Variants in CYTH1 observed in about 807,000 individuals in gnomAD.
CYTH1 encodes the protein cytohesin 1, also known as cytohesin-1.
In CYTH1, 18 loss-of-function variants were observed where a neutral mutation model predicts 61.8. That is an observed-to-expected ratio of 0.29 (90% confidence interval 0.20 to 0.43). The LOEUF is 0.43. CYTH1 is among the 20% of genes least tolerant of loss of function. The probability of loss-of-function intolerance (pLI) is 1.00; values close to 1 mark genes in which losing one functional copy is unlikely to be tolerated. For missense variants in CYTH1, 336 were observed against 510.5 expected, an observed-to-expected ratio of 0.66 and a Z score of 3.29; for synonymous variants, 174 against 184.3, an observed-to-expected ratio of 0.94 and a Z score of 0.45.
rs559489911 is a variant in CYTH1, at chr17:78,726,715, G to A, written c.23-16983C>T. Among the ~76,000 whole-genome samples the A allele has an allele frequency of 6.6e-5, 10 of 152,176 alleles. No homozygotes were observed. The South Asian group carries it at 1.5e-3, about 22-fold the overall frequency. ...CTGTGGTGCCTTTGAATTTGACACC[G>A]AGACAGGTGGATTCTATTCTGCTGT... On this transcript the variant is annotated intron_variant, in intron 1 of 13. Transcript: ENST00000446868.
chr17:78,738,514 C>T (rs908890748), intron 1 of CYTH1, among the ~76,000 whole-genome samples: 3 of 152,090 alleles, frequency 2.0e-5, no homozygotes, highest in Non-Finnish European at 4.4e-5. Flanking sequence ...GACAACGGGG[C>T]GCTGTCTCCA....
chr17:78,781,569 C>G (rs1213778232), intron 1 of CYTH1, among the ~76,000 whole-genome samples: 1 of 152,116 alleles, frequency 6.6e-6, no homozygotes, highest in Non-Finnish European at 1.5e-5. Context: ...CGGCGGCTAC[C>G]GGGCCCAGAC....
chr17:78,760,536 CATAT>C (rs1255225425), intron 1 of CYTH1, among the ~76,000 whole-genome samples: 1 of 42,180 alleles, frequency 2.4e-5, no homozygotes, highest in Non-Finnish European at 4.4e-5. Context: ...TATATACATA[CATAT>C]ATATGTATAT....
intron 1 of CYTH1, among the ~76,000 whole-genome samples, chr17:78,719,754 G>A (rs777434582): frequency 1.3e-5 from 2 of 152,194 alleles, no homozygotes; most frequent in Non-Finnish European, 2.9e-5. Context: ...AGAGGATGAA[G>A]AAAGATGGAT....
In CYTH1 at chr17:78,768,025, G is replaced by A. The variant is rs186071472; in HGVS notation, c.22+14177C>T. On this transcript the variant is annotated intron_variant, in intron 1 of 13. Transcript: ENST00000446868. ...AACAGACAAAATGAAATGTGAGACCGATCGTCCTGGAGGTTTACAACACAT... is the reference window on the plus strand; with the variant it reads ...AACAGACAAAATGAAATGTGAGACCAATCGTCCTGGAGGTTTACAACACAT... Among the ~76,000 whole-genome samples, 13 of 152,292 alleles carry A rather than the reference G, an allele frequency of 8.5e-5. 1 individual carries two copies. In the South Asian group the frequency reaches 1.5e-3, roughly 17 times the overall value.
intron 1 of CYTH1, among the ~76,000 whole-genome samples, chr17:78,727,388 T>G (rs2093272228): frequency 6.6e-6 from 1 of 152,232 alleles, no homozygotes; most frequent in Admixed American, 6.5e-5. Flanking sequence ...TAGTAAATGC[T>G]AGGAGCATAA....
intron 11 of CYTH1, among the ~76,000 whole-genome samples, chr17:78,688,414 A>G (rs905233417): frequency 6.6e-6 from 1 of 152,236 alleles, no homozygotes; most frequent in African/African-American, 2.4e-5. Flanking sequence ...TGAGTACCAG[A>G]GTGACTCGTT....
intron 1 of CYTH1, among the ~76,000 whole-genome samples, chr17:78,713,560 T>A (rs1264242661): frequency 6.6e-6 from 1 of 151,788 alleles, no homozygotes; most frequent in African/African-American, 2.4e-5. Context: ...ATCTCAAGAC[T>A]GCTATATACC....
chr17:78,762,091 A>G (rs1379953177), intron 1 of CYTH1, among the ~76,000 whole-genome samples: 21 of 152,242 alleles, frequency 1.4e-4, no homozygotes, highest in Admixed American at 1.4e-3. Flanking sequence ...TAGAATAATA[A>G]ACTTCTTTTT....
intron 1 of CYTH1, among the ~76,000 whole-genome samples, chr17:78,718,454 C>T (rs2144514488): frequency 6.6e-6 from 1 of 152,314 alleles, no homozygotes; most frequent in African/African-American, 2.4e-5. Context: ...CCTCCAACCT[C>T]CAAAGATACA....
At chr17:78,702,048 T>C (rs2093015817) in intron 5 of CYTH1, 74 bp downstream of exon 5, 1 of 1,243,924 alleles carries the variant, frequency 8.0e-7, no homozygotes, top group Admixed American at 1.9e-5. Context: ...AACTTCAGAG[T>C]ATTTGGGAGT....
At chr17:78,704,193 G>A (rs1011648865) in intron 3 of CYTH1, among the ~76,000 whole-genome samples, 1 of 152,150 alleles carries the variant, frequency 6.6e-6, no homozygotes, top group Admixed American at 6.5e-5. Flanking sequence ...GTCTGAGAAG[G>A]GGCCTGTGCT....
At chr17:78,755,076 A>T (rs1234726653) in intron 1 of CYTH1, among the ~76,000 whole-genome samples, 1 of 152,188 alleles carries the variant, frequency 6.6e-6, no homozygotes, top group Non-Finnish European at 1.5e-5. Context: ...CAACAGGTGA[A>T]GAGACCAAAA....
chr17:78,724,413 G>A (rs55666909), intron 1 of CYTH1, among the ~76,000 whole-genome samples: 5 of 152,152 alleles, frequency 3.3e-5, no homozygotes, highest in Non-Finnish European at 5.9e-5. Context: ...GGAAATCACC[G>A]TGCTAGAGCA....
chr17:78,771,634 G>C lies in CYTH1; in HGVS notation c.22+10568C>G, dbSNP rs185039991. On this transcript the variant is annotated intron_variant, in intron 1 of 13. Transcript: ENST00000446868. The stretch of plus-strand genomic sequence containing the variant: ...TAATCCCAGCTACTTGGGAGGCTGA[G>C]GCAGGAGATTTGCTTGAACCAGGGA... Among the ~76,000 whole-genome samples, 326 of 151,982 alleles carry C rather than the reference G, an allele frequency of 2.1e-3. 2 individuals carry two copies. Among genetic ancestry groups the C allele is most frequent in the Non-Finnish European group, 3.1e-3 (210 of 67,984 alleles).
chr17:78,721,860 A>T (rs2093231768), intron 1 of CYTH1, among the ~76,000 whole-genome samples: 1 of 152,168 alleles, frequency 6.6e-6, no homozygotes, highest in Non-Finnish European at 1.5e-5. Flanking sequence ...CCTGACCAAC[A>T]CGGTGAAAAA....
At chr17:78,782,141 C>A in intron 1 of CYTH1, 61 bp downstream of exon 1, 1 of 1,251,784 alleles carries the variant, frequency 8.0e-7, no homozygotes, top group Non-Finnish European at 1.0e-6. Context: ...GCCGGACGGC[C>A]GGGCCCGGAG....
Position 78,675,985 on chromosome 17 carries a change from G to T in CYTH1, c.*106C>A. 6.5e-7 allele frequency: 1 copy of T among 1,549,616 alleles called. No homozygotes were observed. Among genetic ancestry groups the T allele is most frequent in the Non-Finnish European group, 8.7e-7 (1 of 1,146,054 alleles). ...AAGCTAGTCTCTAGGAATCCAGGGCGGGGCCTGGCAGAGGACGCTCTGCTC... is the reference window on the plus strand; with the variant it reads ...AAGCTAGTCTCTAGGAATCCAGGGCTGGGCCTGGCAGAGGACGCTCTGCTC... On this transcript the variant is annotated 3_prime_UTR_variant, in exon 14 of 14. Transcript: ENST00000446868.
chr17:78,770,335 A>AAAAAG (rs1410432059), intron 1 of CYTH1, among the ~76,000 whole-genome samples: 3 of 133,576 alleles, frequency 2.2e-5, no homozygotes, highest in Non-Finnish European at 3.2e-5. Context: ...CAAAAAAAAA[A>AAAAAG]AAAAGAAAAG....
Sources: gnomAD v4.1 joint callset for allele counts (sites outside exome capture counted in the v4.1 genomes callset) on GRCh38, gnomAD v4.1.1 for gene constraint, MANE v1.5 for transcripts, NCBI Gene and HGNC (gene_info 2026-07-23, HGNC 2026-07-21) for gene names.